Variants in GLYAT observed in about 807,000 individuals in gnomAD.
GLYAT encodes the protein glycine-N-acyltransferase, also known as glycine N-acyltransferase.
GLYAT carries 25 observed loss-of-function variants against 22.8 expected under a neutral mutation model. The observed-to-expected ratio is 1.09, with a 90% CI of 0.80 to 1.53. GLYAT has a LOEUF of 1.53. Ranked by LOEUF, GLYAT falls within the 40% of genes most tolerant of loss-of-function variation. The pLI, the probability that GLYAT is intolerant of heterozygous loss-of-function variation, is 0.00. For missense variants in GLYAT, 411 were observed against 353.9 expected (o/e 1.16, Z -1.29); for synonymous variants, 140 against 122.7 (o/e 1.14, Z -0.93).
chr11:58,713,125 T>G (rs1178209276), intron 3 of GLYAT, among the ~76,000 whole-genome samples: 1 of 152,162 alleles, frequency 6.6e-6, no homozygotes. Context: ...TATTTCCATG[T>G]GTTGAGAACA....
At chr11:58,726,298 T>C (rs895213297) in intron 1 of GLYAT, among the ~76,000 whole-genome samples, 4 of 152,070 alleles carry the variant, frequency 2.6e-5, no homozygotes, top group Non-Finnish European at 5.9e-5. Flanking sequence ...TTGGGGAATA[T>C]AGACAAAGGT....
At position 58,710,590 on chromosome 11, in the gene GLYAT, A is replaced by G. The variant is rs893406718; in HGVS notation, c.488T>C (p.Ile163Thr). 3.1e-6 allele frequency: 5 copies of G among 1,593,370 alleles called. No homozygotes were observed. The highest frequency in any genetic ancestry group is 2.7e-5 in the African/African-American group (2 of 74,778). Residue 163 changes from isoleucine (I) to threonine (T), a missense_variant and splice_region_variant, in exon 5 of 6, where the codon ATC (isoleucine) becomes ACC (threonine). By Grantham distance (89) the Ile-to-Thr change is moderately conservative. Transcript: ENST00000344743. ...ATAGACTGGATTTTATCAAACTCAC[A>G]TGGCCTTGGGTTTGCCACCATTGGG... ...LSPNGGKPKA[I>T]NQEMFKLSSM...
rs756542151 is a variant in GLYAT, at chr11:58,715,369, C to T, written c.136G>A (p.Val46Met). ...TTAAAATCAGGCCACTTGTCCACCA[C>T]AGCCTTCAGATTGAATGGATTTCCA... ...NHGNPFNLKAVVDKWPDFNTV... is the reference protein window; with the variant it reads ...NHGNPFNLKAMVDKWPDFNTV... The change falls in exon 3 of 6, where the codon GTG becomes ATG. Residue 46 changes from valine to methionine, a missense_variant. Transcript: ENST00000344743. 6.3e-7 allele frequency: 1 copy of T among 1,597,936 alleles called. No homozygotes were observed. Among genetic ancestry groups the T allele is most frequent in the Admixed American group, 1.7e-5 (1 of 59,100 alleles).
rs751843213 is a variant in GLYAT, at chr11:58,710,116, C to G, written c.541G>C (p.Val181Leu). The change falls in exon 6 of 6, where the codon GTG becomes CTG. Residue 181 changes from valine to leucine, a missense_variant. Transcript: ENST00000344743. ...SSMDVTHAHL[V>L]NKFWHFGGNE... is the part of the protein sequence containing the mutation. The stretch of plus-strand genomic sequence containing the variant: ...CCACCAAAATGCCAGAATTTATTCA[C>G]CAAGTGAGCATGGGTAACATCCATG... 6.2e-7 allele frequency: 1 copy of G among 1,614,064 alleles called. No individual in the cohort carries two copies. The highest frequency in any genetic ancestry group is 2.2e-5 in the East Asian group (1 of 44,874).
chr11:58,714,990 A>G (rs528760471), intron 3 of GLYAT, among the ~76,000 whole-genome samples: 50 of 152,182 alleles, frequency 3.3e-4, no homozygotes, highest in Admixed American at 5.9e-4. Context: ...TGACAAAAGC[A>G]TATTTTTCCT....
At chr11:58,729,574 A>G (rs979173647) in intron 1 of GLYAT, among the ~76,000 whole-genome samples, 3 of 152,170 alleles carry the variant, frequency 2.0e-5, no homozygotes, top group Non-Finnish European at 4.4e-5. Flanking sequence ...TAGGCCCTCA[A>G]TACATAAGTA....
At chr11:58,715,036 G>C (rs1017033579) in intron 3 of GLYAT, among the ~76,000 whole-genome samples, 1 of 151,990 alleles carries the variant, frequency 6.6e-6, no homozygotes, top group South Asian at 2.1e-4. Flanking sequence ...CCACCAAGAA[G>C]TATACTGAAC....
chr11:58,710,792 G>T, intron 4 of GLYAT, 31 bp from the exon 5 acceptor site: 1 of 1,302,694 alleles, frequency 7.7e-7, no homozygotes, highest in Non-Finnish European at 1.1e-6. Context: ...AGATGAAATG[G>T]TTTAGGTATA....
intron 4 of GLYAT, among the ~76,000 whole-genome samples, chr11:58,712,030 C>A (rs760279579): frequency 2.0e-5 from 3 of 152,138 alleles, no homozygotes; most frequent in Non-Finnish European, 4.4e-5. Flanking sequence ...TGAGTGAGGC[C>A]GTGTAAGAGC....
intron 4 of GLYAT, 26 bp from the exon 5 acceptor site, chr11:58,710,787 A>G: frequency 7.4e-7 from 1 of 1,358,926 alleles, no homozygotes; most frequent in South Asian, 1.2e-5. Context: ...AACAGAGATG[A>G]AATGGTTTAG....
chr11:58,717,593 A>G (rs1290413127), intron 2 of GLYAT, among the ~76,000 whole-genome samples: 1 of 152,102 alleles, frequency 6.6e-6, no homozygotes, highest in African/African-American at 2.4e-5. Context: ...CATTATTTTG[A>G]AGACTTGTAG....
intron 1 of GLYAT, among the ~76,000 whole-genome samples, chr11:58,729,960 G>A (rs1401661193): frequency 6.6e-6 from 1 of 152,084 alleles, no homozygotes; most frequent in Non-Finnish European, 1.5e-5. Context: ...ACCCTCTAAG[G>A]ATGTACTTAC....
rs367766789 is a variant in GLYAT at position 58,724,311 on chromosome 11, A to G, written c.81+105T>C. On this transcript the variant is annotated intron_variant, in intron 2 of 5. Transcript: ENST00000344743. ...CATACTAAATGAGAGAAAACATGAA[A>G]TAGTGCCTGGCTCAAAATAGGTGCA... 7 of 585,114 alleles carry G rather than the reference A, an allele frequency of 1.2e-5. No homozygotes were observed. The South Asian group carries it at 1.8e-4, about 15-fold the overall frequency. 36.2% of individuals were successfully genotyped at this position (585,114 alleles called of 1,614,324 possible).
chr11:58,730,339 G>C (rs895904632), intron 1 of GLYAT, among the ~76,000 whole-genome samples: 5 of 152,066 alleles, frequency 3.3e-5, no homozygotes, highest in Non-Finnish European at 7.4e-5. Flanking sequence ...TGGGTATGGT[G>C]ACACACACCT....
At chr11:58,722,741 A>T (rs1215214813) in intron 2 of GLYAT, among the ~76,000 whole-genome samples, 2 of 152,106 alleles carry the variant, frequency 1.3e-5, no homozygotes, top group Non-Finnish European at 2.9e-5. Flanking sequence ...TAGTGAACAG[A>T]ACATAGCGAG....
At chr11:58,722,484 A>C (rs771218193) in intron 2 of GLYAT, among the ~76,000 whole-genome samples, 1 of 152,038 alleles carries the variant, frequency 6.6e-6, no homozygotes, top group Non-Finnish European at 1.5e-5. Flanking sequence ...GGACATATTG[A>C]AGAAGGGACA....
intron 2 of GLYAT, among the ~76,000 whole-genome samples, chr11:58,715,628 G>A (rs948876962): frequency 6.6e-6 from 1 of 152,050 alleles, no homozygotes; most frequent in African/African-American, 2.4e-5. Flanking sequence ...ATTAAAATCA[G>A]GCCACTTGTC....
chr11:58,725,454 A>G (rs1856802006), intron 1 of GLYAT, among the ~76,000 whole-genome samples: 2 of 152,154 alleles, frequency 1.3e-5, no homozygotes, highest in South Asian at 2.1e-4. Context: ...AGGTAGGGCT[A>G]TGAGAGAGTG....
Position 58,715,385 on chromosome 11 carries a change from T to A in GLYAT, c.120A>T (p.Pro40=), listed in dbSNP as rs779220236. 6.3e-7 allele frequency: 1 copy of A among 1,592,196 alleles called. No homozygotes were observed. The highest frequency in any genetic ancestry group is 1.1e-5 in the South Asian group (1 of 90,434). The change falls in exon 3 of 6, where the codon CCA becomes CCT. Residue 40 remains proline, a synonymous_variant. Coordinates refer to ENST00000344743, the MANE Select transcript of GLYAT (RefSeq NM_201648.3). ...GTVFHINHGN[P]FNLKAVVDKW... ...TGTCCACCACAGCCTTCAGATTGAA[T>A]GGATTTCCATGGTTTATGTGAAAGA...
Sources: gnomAD v4.1 joint callset for allele counts (sites outside exome capture counted in the v4.1 genomes callset) on GRCh38, gnomAD v4.1.1 for gene constraint, MANE v1.5 for transcripts, NCBI Gene and HGNC (gene_info 2026-07-23, HGNC 2026-07-21) for gene names.